The following FAM114A1 variants were observed in gnomAD, a reference collection of about 807,000 sequenced individuals.
The protein encoded by FAM114A1 is protein NOXP20.
A neutral mutation model predicts 64.3 loss-of-function variants in FAM114A1; 62 were observed. The observed-to-expected ratio is 0.96, with a 90% confidence interval of 0.79 to 1.19. FAM114A1 has a LOEUF of 1.19. Ranked by LOEUF, FAM114A1 falls within the 50% of genes most tolerant of loss-of-function variation. The pLI, the probability that FAM114A1 is intolerant of heterozygous loss-of-function variation, is 0.00. For synonymous variants in FAM114A1, 254 were observed against 251.1 expected, an observed-to-expected ratio of 1.01 and a Z score of -0.11; for missense variants, 645 against 676.3, an observed-to-expected ratio of 0.95 and a Z score of 0.51.
At chr4:38,935,966 G>T (rs1721049731) in intron 13 of FAM114A1, among the ~76,000 whole-genome samples, 176 bp downstream of exon 13, 1 of 152,186 alleles carries the variant, frequency 6.6e-6, no homozygotes, top group African/African-American at 2.4e-5. Flanking sequence ...GGACTCTCCT[G>T]ACTGGGTTCT....
chr4:38,924,162 G>GAT (rs34238239), intron 9 of FAM114A1, among the ~76,000 whole-genome samples: 1 of 151,876 alleles, frequency 6.6e-6, no homozygotes, highest in African/African-American at 2.4e-5. Context: ...TGGAGACAAT[G>GAT]ATATATATAT....
chr4:38,872,807 C>T (rs941821508), intron 2 of FAM114A1, among the ~76,000 whole-genome samples: 5 of 152,202 alleles, frequency 3.3e-5, no homozygotes, highest in African/African-American at 9.6e-5. Flanking sequence ...GACTCAGCTC[C>T]GCTATTGTAG....
intron 4 of FAM114A1, 100 bp from the exon 5 acceptor site, chr4:38,905,422 T>C (rs1222616201): frequency 1.2e-6 from 1 of 848,722 alleles, no homozygotes; most frequent in South Asian, 1.7e-5. Flanking sequence ...AAAAGAAAGA[T>C]GTACTTCTGC....
chr4:38,922,998 C>G, intron 9 of FAM114A1, 105 bp downstream of exon 9: 1 of 1,280,436 alleles, frequency 7.8e-7, no homozygotes, highest in Non-Finnish European at 1.1e-6. Flanking sequence ...AAGTGCTCCT[C>G]CTCCATGCTT....
chr4:38,882,908 G>A (rs1397284835), intron 3 of FAM114A1, among the ~76,000 whole-genome samples: 1 of 152,220 alleles, frequency 6.6e-6, no homozygotes, highest in East Asian at 1.9e-4. Context: ...CAAGGAGGAG[G>A]CCACCTTTCT....
chr4:38,910,331 G>A (rs755035220), intron 7 of FAM114A1, among the ~76,000 whole-genome samples: 3 of 152,136 alleles, frequency 2.0e-5, no homozygotes, highest in Non-Finnish European at 4.4e-5. Context: ...CTAAGTATCA[G>A]TGTGGCTTAG....
At chr4:38,887,583 A>G (rs1173754987) in intron 3 of FAM114A1, among the ~76,000 whole-genome samples, 2 of 152,244 alleles carry the variant, frequency 1.3e-5, no homozygotes, top group Admixed American at 1.3e-4. Context: ...TAATAATTCA[A>G]TTATTCATTT....
intron 3 of FAM114A1, among the ~76,000 whole-genome samples, chr4:38,879,645 G>GCCCA (rs940647629): frequency 3.7e-5 from 3 of 80,050 alleles, no homozygotes; most frequent in Non-Finnish European, 5.7e-5. Context: ...TTAAACAAAA[G>GCCCA]CTGAACAGTC....
chr4:38,900,432 G>C (rs1401902591), intron 4 of FAM114A1, among the ~76,000 whole-genome samples: 2 of 152,106 alleles, frequency 1.3e-5, no homozygotes, highest in Non-Finnish European at 2.9e-5. Context: ...GTCCCAGGGA[G>C]ATATTTGTAC....
At chr4:38,907,913 A>AT (rs974392005) in intron 6 of FAM114A1, among the ~76,000 whole-genome samples, 12 of 152,148 alleles carry the variant, frequency 7.9e-5, no homozygotes, top group Non-Finnish European at 2.9e-5. Flanking sequence ...GGTTATTTTA[A>AT]TTTTTTAAAA....
chr4:38,937,978 C>T (rs1721251909), intron 13 of FAM114A1, among the ~76,000 whole-genome samples: 2 of 152,120 alleles, frequency 1.3e-5, no homozygotes, highest in African/African-American at 2.4e-5. Flanking sequence ...CTCAGGTGCT[C>T]CACCTGCCTC....
intron 3 of FAM114A1, among the ~76,000 whole-genome samples, chr4:38,879,729 A>C (rs182616813): frequency 5.9e-5 from 9 of 152,274 alleles, no homozygotes. Context: ...AACATAACAC[A>C]AAATTTTGTT....
intron 8 of FAM114A1, among the ~76,000 whole-genome samples, chr4:38,917,462 T>A (rs530306475): frequency 6.6e-6 from 1 of 152,308 alleles, no homozygotes; most frequent in African/African-American, 2.4e-5. Flanking sequence ...AAAATCTACC[T>A]CACAGAATTA....
intron 14 of FAM114A1, among the ~76,000 whole-genome samples, chr4:38,943,214 T>TAAAAAAA (rs1721709194): frequency 6.7e-6 from 1 of 149,372 alleles, no homozygotes; most frequent in African/African-American, 2.5e-5. Flanking sequence ...AAAAAAAAAT[T>TAAAAAAA]CCATGAAAAT....
rs771576809 is a variant in FAM114A1, at chr4:38,935,719, T to A, written c.1465T>A (p.Leu489Ile). ...GCTTTTTTTTTTTTCTTCTTTCAGA[T>A]TAACTACTGCAATGTGCAATGAAGT... is the stretch of plus-strand genomic sequence containing the variant. ...AQDQAKVLIK[L>I]TTAMCNEVAS... is the part of the protein sequence containing the mutation. Residue 489 changes from leucine to isoleucine, a missense_variant and splice_region_variant, in exon 13 of 15, where the codon TTA (leucine) becomes ATA (isoleucine). By Grantham distance (5) the Leu-to-Ile change is conservative. Transcript: ENST00000358869. The A allele has an allele frequency of 1.3e-6, 2 of 1,584,490 alleles. No individual in the cohort carries two copies. The highest frequency in any genetic ancestry group is 1.9e-5 in the Admixed American group (1 of 53,582).
chr4:38,903,716 TAAC>T (rs1446296777), intron 4 of FAM114A1, among the ~76,000 whole-genome samples: 1 of 152,228 alleles, frequency 6.6e-6, no homozygotes, highest in African/African-American at 2.4e-5. Flanking sequence ...ATTCAAGCCT[TAAC>T]AGTCGCAATA....
chr4:38,931,434 G>A lies in FAM114A1; in HGVS notation c.1162-17G>A, dbSNP rs773166060. 1.4e-5 allele frequency: 23 copies of A among 1,589,528 alleles called. No individual in the cohort carries two copies. In the South Asian group the frequency reaches 2.4e-4, roughly 17 times the overall value. On this transcript the variant is annotated splice_polypyrimidine_tract_variant and intron_variant, in intron 10 of 14. Transcript: ENST00000358869. The stretch of plus-strand genomic sequence containing the variant: ...ATTTGCGCCATAAAAGGATTGTTTG[G>A]TTGGGGACCTCTGCAGGCCATGAAG...
At chr4:38,937,997 A>G (rs2109807861) in intron 13 of FAM114A1, among the ~76,000 whole-genome samples, 1 of 152,200 alleles carries the variant, frequency 6.6e-6, no homozygotes, top group African/African-American at 2.4e-5. Flanking sequence ...TCGGCCTCCC[A>G]AAATGCTGGG....
intron 4 of FAM114A1, among the ~76,000 whole-genome samples, chr4:38,896,643 G>A (rs1480705053): frequency 6.6e-6 from 1 of 152,198 alleles, no homozygotes; most frequent in African/African-American, 2.4e-5. Flanking sequence ...GTGCCTTCCT[G>A]ATCTGTGGTC....
Sources: allele counts gnomAD v4.1 joint callset (sites outside exome capture counted in the v4.1 genomes callset), GRCh38; gene constraint gnomAD v4.1.1; transcripts MANE v1.5; gene names NCBI Gene and HGNC (gene_info 2026-07-23, HGNC 2026-07-21).